SHISA9: variants seen among roughly 807,000 people sequenced by gnomAD.
SHISA9 encodes the protein protein shisa-9.
A neutral mutation model predicts 38.0 loss-of-function variants in SHISA9; 13 were observed. The observed-to-expected ratio is 0.34, with a 90% CI of 0.22 to 0.54. The LOEUF (loss-of-function observed/expected upper bound fraction) is 0.54. Among genes scored for constraint, SHISA9 ranks in the 20% least tolerant of loss-of-function variants. The pLI is 0.91. For missense variants in SHISA9, 538 were observed against 575.8 expected (o/e 0.93, Z 0.67); for synonymous variants, 275 against 242.0 (o/e 1.14, Z -1.27).
chr16:13,540,666 T>C, the SHISA9 span, among the ~76,000 whole-genome samples: 14 of 152,196 alleles, frequency 9.2e-5, no homozygotes, highest in Non-Finnish European at 1.8e-4. Context: ...GAAACCAAGT[T>C]TGGGGAACCC....
intron 2 of SHISA9, among the ~76,000 whole-genome samples, chr16:13,082,874 T>C (rs2073668761): frequency 6.6e-6 from 1 of 152,274 alleles, no homozygotes; most frequent in South Asian, 2.1e-4. Flanking sequence ...GTGACCAAGG[T>C]GCAAATTGTA....
At chr16:13,247,649 T>A in the SHISA9 span, among the ~76,000 whole-genome samples, 1 of 152,226 alleles carries the variant, frequency 6.6e-6, no homozygotes, top group Non-Finnish European at 1.5e-5. Context: ...GGCATCTCAC[T>A]TATTTTCTTG....
intron 3 of SHISA9, among the ~76,000 whole-genome samples, chr16:13,204,157 TC>T (rs1455802177): frequency 6.7e-6 from 1 of 150,030 alleles, no homozygotes; most frequent in African/African-American, 2.5e-5. Flanking sequence ...TATCTATCTA[TC>T]TATCTATCTA....
the SHISA9 span, among the ~76,000 whole-genome samples, chr16:13,252,944 C>A: frequency 6.6e-6 from 1 of 152,206 alleles, no homozygotes; most frequent in Non-Finnish European, 1.5e-5. Flanking sequence ...TGTACCACCC[C>A]TGAAATAGCA....
At chr16:13,284,495 G>C in the SHISA9 span, among the ~76,000 whole-genome samples, 2 of 152,254 alleles carry the variant, frequency 1.3e-5, no homozygotes, top group Non-Finnish European at 2.9e-5. Context: ...TGACACACAG[G>C]TGATCAATAA....
At chr16:13,216,495 T>C (rs2051170582) in intron 4 of SHISA9, among the ~76,000 whole-genome samples, 1 of 152,240 alleles carries the variant, frequency 6.6e-6, no homozygotes, top group Non-Finnish European at 1.5e-5. Flanking sequence ...CTGAAAAGCC[T>C]TGTGGTAATA....
the SHISA9 span, among the ~76,000 whole-genome samples, chr16:13,302,406 C>A: frequency 6.6e-6 from 1 of 152,150 alleles, no homozygotes; most frequent in Non-Finnish European, 1.5e-5. Context: ...CTCTGAAAGG[C>A]AAACGATGCC....
chr16:13,546,048 G>C, the SHISA9 span, among the ~76,000 whole-genome samples: 1 of 152,148 alleles, frequency 6.6e-6, no homozygotes, highest in Non-Finnish European at 1.5e-5. Context: ...TAGGAAGGGG[G>C]CCCAGAGAAC....
chr16:13,157,309 A>G (rs2050556200), intron 2 of SHISA9, among the ~76,000 whole-genome samples: 1 of 152,216 alleles, frequency 6.6e-6, no homozygotes, highest in Admixed American at 6.5e-5. Flanking sequence ...GCACTAATAT[A>G]TGTGAAGCAA....
At chr16:13,100,959 G>C (rs1187592826) in intron 2 of SHISA9, among the ~76,000 whole-genome samples, 1 of 152,190 alleles carries the variant, frequency 6.6e-6, no homozygotes, top group African/African-American at 2.4e-5. Flanking sequence ...GTCTCCCGAA[G>C]TGCTGGGATT....
At chr16:12,924,483 A>T (rs528668922) in intron 2 of SHISA9, among the ~76,000 whole-genome samples, 4 of 152,184 alleles carry the variant, frequency 2.6e-5, no homozygotes, top group Non-Finnish European at 5.9e-5. Flanking sequence ...CTAGGAAGTC[A>T]CAGCCACCAA....
intron 2 of SHISA9, among the ~76,000 whole-genome samples, chr16:13,140,059 C>G (rs1027188770): frequency 1.3e-5 from 2 of 149,974 alleles, no homozygotes; most frequent in Non-Finnish European, 3.0e-5. Flanking sequence ...CTCTCCTCTC[C>G]TCTCCTCTCT....
At chr16:13,154,551 G>A (rs2050526650) in intron 2 of SHISA9, among the ~76,000 whole-genome samples, 1 of 152,216 alleles carries the variant, frequency 6.6e-6, no homozygotes, top group Non-Finnish European at 1.5e-5. Context: ...GCATGGAACA[G>A]AGACCCCAGG....
intron 2 of SHISA9, among the ~76,000 whole-genome samples, chr16:13,038,883 G>C (rs1355453275): frequency 6.6e-6 from 1 of 152,110 alleles, no homozygotes; most frequent in Non-Finnish European, 1.5e-5. Context: ...ACCTGTCTCT[G>C]TTTCTTTATT....
chr16:13,517,994 G>C, the SHISA9 span, among the ~76,000 whole-genome samples: 1 of 152,086 alleles, frequency 6.6e-6, no homozygotes, highest in Non-Finnish European at 1.5e-5. Flanking sequence ...CCTTATTGCC[G>C]GGTTGCTGAG....
the SHISA9 span, among the ~76,000 whole-genome samples, chr16:13,291,445 A>G: frequency 1.3e-5 from 2 of 152,152 alleles, no homozygotes; most frequent in Non-Finnish European, 2.9e-5. Context: ...ATGTACAGTT[A>G]CCCCACAGAA....
intron 2 of SHISA9, among the ~76,000 whole-genome samples, chr16:12,917,940 C>T (rs1471341628): frequency 6.6e-6 from 1 of 152,086 alleles, no homozygotes; most frequent in African/African-American, 2.4e-5. Context: ...TGGAATTTGA[C>T]CTAGGCAATG....
intron 2 of SHISA9, among the ~76,000 whole-genome samples, chr16:13,010,451 C>T (rs1180184031): frequency 6.6e-6 from 1 of 152,162 alleles, no homozygotes; most frequent in Non-Finnish European, 1.5e-5. Context: ...AGACTTAACA[C>T]TGTCTCTGAG....
At chr16:13,370,876 A>G in the SHISA9 span, among the ~76,000 whole-genome samples, 1 of 152,190 alleles carries the variant, frequency 6.6e-6, no homozygotes, top group South Asian at 2.1e-4. Flanking sequence ...AATAATAATA[A>G]TAGCAAACAC....
Sources: allele counts gnomAD v4.1 joint callset (sites outside exome capture counted in the v4.1 genomes callset), GRCh38; gene constraint gnomAD v4.1.1; transcripts MANE v1.5; gene names NCBI Gene and HGNC (gene_info 2026-07-23, HGNC 2026-07-21).